Variants in VRK2 observed in about 807,000 individuals in gnomAD.
The protein encoded by VRK2 is VRK serine/threonine kinase 2, also known as serine/threonine-protein kinase VRK2.
A neutral mutation model predicts 57.6 loss-of-function variants in VRK2; 60 were observed. That is an observed-to-expected ratio of 1.04 (90% confidence interval 0.85 to 1.29). VRK2 has a LOEUF of 1.29. VRK2 is among the 50% of genes most tolerant of loss of function. VRK2 has a pLI of 0.00. For missense variants in VRK2, 705 were observed against 588.1 expected, an observed-to-expected ratio of 1.20 and a Z score of -2.06; for synonymous variants, 231 against 199.2, an observed-to-expected ratio of 1.16 and a Z score of -1.35.
intron 1 of VRK2, among the ~76,000 whole-genome samples, chr2:57,988,798 G>A (rs1672675777): frequency 6.6e-6 from 1 of 152,144 alleles, no homozygotes; most frequent in Non-Finnish European, 1.5e-5. Flanking sequence ...GTTCCCTGGT[G>A]TACAAACAGC....
At chr2:58,135,028 A>T (rs991546485) in intron 9 of VRK2, 113 bp from the exon 10 acceptor site, 57 of 1,120,490 alleles carry the variant, frequency 5.1e-5, no homozygotes, top group Non-Finnish European at 6.7e-5. Context: ...AAAAAAAAGC[A>T]TTGAAAGTCA....
At chr2:58,109,676 G>A (rs72951079) in intron 7 of VRK2, among the ~76,000 whole-genome samples, 2,928 of 152,186 alleles carry the variant, frequency 0.019, 109 homozygotes, top group African/African-American at 0.067. Flanking sequence ...TGCGGGAACC[G>A]CCCCCATGAT....
intron 2 of VRK2, among the ~76,000 whole-genome samples, chr2:58,079,145 A>T (rs547208636): frequency 6.6e-6 from 1 of 152,168 alleles, no homozygotes; most frequent in Non-Finnish European, 1.5e-5. Flanking sequence ...AATTCAGATT[A>T]TGTGTTATTT....
chr2:57,923,362 C>G (rs1670418334), intron 1 of VRK2, among the ~76,000 whole-genome samples: 1 of 152,002 alleles, frequency 6.6e-6, no homozygotes, highest in African/African-American at 2.4e-5. Context: ...TATGAGGGTT[C>G]TCTTTTCTCC....
chr2:57,911,025 G>C (rs1054927717), intron 1 of VRK2, among the ~76,000 whole-genome samples: 4 of 144,694 alleles, frequency 2.8e-5, no homozygotes, highest in African/African-American at 8.1e-5. Context: ...GAGTTCTCTA[G>C]GGTTTTTTGG....
At chr2:57,994,407 T>G (rs1213450096) in intron 1 of VRK2, among the ~76,000 whole-genome samples, 1 of 152,208 alleles carries the variant, frequency 6.6e-6, no homozygotes, top group Non-Finnish European at 1.5e-5. Flanking sequence ...GGTAATTATT[T>G]TTCCAAAATG....
intron 1 of VRK2, among the ~76,000 whole-genome samples, chr2:58,024,123 G>A (rs1456665692): frequency 6.6e-6 from 1 of 151,992 alleles, no homozygotes; most frequent in Non-Finnish European, 1.5e-5. Flanking sequence ...CCAAGTAGCT[G>A]GGACTACAGG....
chr2:57,937,438 C>T lies in VRK2; in HGVS notation c.-439+29599C>T, dbSNP rs555126382. ...TCTCTGACACTAAGGACACAAATCA[C>T]AGCTTTTCTTAGTGCATCAATGATT... On this transcript the variant is annotated intron_variant, in intron 1 of 15. Transcript: ENST00000417641. 4.6e-5 allele frequency among the ~76,000 whole-genome samples: 7 copies of T among 152,268 alleles called. No individual in the cohort carries two copies. The East Asian group carries it at 1.4e-3, about 29-fold the overall frequency.
At chr2:58,119,552 T>C (rs1370669344) in intron 7 of VRK2, among the ~76,000 whole-genome samples, 1 of 150,728 alleles carries the variant, frequency 6.6e-6, no homozygotes, top group African/African-American at 2.4e-5. Flanking sequence ...CCCCAACAGG[T>C]CAAATTAATT....
intron 1 of VRK2, among the ~76,000 whole-genome samples, chr2:57,976,210 G>A (rs915217387): frequency 2.6e-5 from 4 of 152,078 alleles, no homozygotes; most frequent in African/African-American, 9.7e-5. Context: ...GAATAGTGTT[G>A]TGATGAACAT....
At chr2:58,097,069 G>T (rs1422376441) in intron 7 of VRK2, among the ~76,000 whole-genome samples, 1 of 151,926 alleles carries the variant, frequency 6.6e-6, no homozygotes, top group African/African-American at 2.4e-5. Flanking sequence ...TGCTTTAATT[G>T]TGACTTAAAA....
intron 1 of VRK2, among the ~76,000 whole-genome samples, chr2:57,933,309 CTTTTTTTT>C (rs71394403): frequency 3.2e-5 from 2 of 63,320 alleles, no homozygotes; most frequent in Non-Finnish European, 5.3e-5. Flanking sequence ...CTTTCTTTTT[CTTTTTTTT>C]TTTTTTTTTT....
Position 58,151,355 on chromosome 2 carries a change from C to CT in VRK2, c.1182+4882dup, listed in dbSNP as rs527320607. On this transcript the variant is annotated intron_variant, in intron 12 of 12. Coordinates refer to ENST00000340157, the MANE Select transcript of VRK2 (RefSeq NM_006296.7). ...TCTTTCTTTATATCTATTAAATACT[C>CT]TATCTTGAGTTCTACTTCATCTGAC... Among the ~76,000 whole-genome samples, 17 of 151,880 alleles carry CT rather than the reference C, an allele frequency of 1.1e-4. No individual in the cohort carries two copies. In the South Asian group the frequency reaches 3.3e-3, roughly 30 times the overall value.
At chr2:57,922,810 C>T (rs970027311) in intron 1 of VRK2, among the ~76,000 whole-genome samples, 1 of 151,832 alleles carries the variant, frequency 6.6e-6, no homozygotes, top group Non-Finnish European at 1.5e-5. Context: ...TATAGGTACC[C>T]TGTTATGCTA....
At chr2:58,047,294 G>C (rs915511063) in intron 1 of VRK2, 8 of 458,192 alleles carry the variant, frequency 1.7e-5, no homozygotes, top group Non-Finnish European at 2.0e-5. Context: ...GGCGGGGTTG[G>C]AGGTCAGCCC....
chr2:58,058,240 T>G (rs940179994), intron 2 of VRK2: 5 of 424,388 alleles, frequency 1.2e-5, no homozygotes, highest in Non-Finnish European at 2.4e-5. Context: ...TGGAATTACT[T>G]TAAAAGTGTC....
intron 10 of VRK2, among the ~76,000 whole-genome samples, chr2:58,138,766 T>C (rs899724398): frequency 1.3e-5 from 2 of 152,180 alleles, no homozygotes; most frequent in African/African-American, 4.8e-5. Context: ...AATATATTTT[T>C]GAAAGGGAAA....
At position 57,962,678 on chromosome 2, in the gene VRK2, G is replaced by A. The variant is rs569024385; in HGVS notation, c.-439+54839G>A. On this transcript the variant is annotated intron_variant, in intron 1 of 15. Coordinates refer to the VRK2 transcript ENST00000417641. The stretch of plus-strand genomic sequence containing the variant: ...ATAAATGAGAACATGCAGTATTTCC[G>A]GTCTCTATGTCTGATATCATCTTAT... Among the ~76,000 whole-genome samples, 18 of 151,954 alleles carry A rather than the reference G, an allele frequency of 1.2e-4. No individual in the cohort carries two copies. The South Asian group carries it at 1.9e-3, about 16-fold the overall frequency.
chr2:58,036,146 A>C (rs893632815), intron 3 of VRK2, among the ~76,000 whole-genome samples: 1 of 151,984 alleles, frequency 6.6e-6, no homozygotes, highest in African/African-American at 2.4e-5. Flanking sequence ...TTGCTTATTG[A>C]AGTGGTCCCA....
Sources: gnomAD v4.1 joint callset for allele counts (sites outside exome capture counted in the v4.1 genomes callset) on GRCh38, gnomAD v4.1.1 for gene constraint, MANE v1.5 for transcripts, NCBI Gene and HGNC (gene_info 2026-07-23, HGNC 2026-07-21) for gene names.